The following SERAC1 variants were observed in gnomAD, a reference collection of about 807,000 sequenced individuals.
SERAC1 encodes the protein serine active site containing 1, also known as protein SERAC1.
Under a neutral mutation model 85.7 loss-of-function variants are expected in SERAC1, and 36 were observed. The ratio of observed to expected loss-of-function variants is 0.42; its 90% CI spans 0.32 to 0.55. The LOEUF (loss-of-function observed/expected upper bound fraction) is 0.55, where lower values mean the gene tolerates loss of function less well. Among genes scored for constraint, SERAC1 ranks in the 20% least tolerant of loss-of-function variants. SERAC1 has a pLI of 0.11. For synonymous variants in SERAC1, 242 were observed against 265.3 expected, an observed-to-expected ratio of 0.91 and a Z score of 0.85; for missense variants, 629 against 796.2, an observed-to-expected ratio of 0.79 and a Z score of 2.53.
Position 158,128,135 on chromosome 6 carries a change from G to A in SERAC1, c.988C>T (p.His330Tyr). The change falls in exon 10 of 17, where the codon CAT (histidine) becomes TAT (tyrosine). Residue 330 changes from histidine (H) to tyrosine (Y), a missense_variant. His to Tyr is a moderately conservative substitution (Grantham distance 83). Coordinates refer to ENST00000647468, the MANE Select transcript of SERAC1 (RefSeq NM_032861.4). The part of the protein sequence containing the change: ...RVIGNMALNE[H>Y]LHSSIVRSGW... ...GAGCGAACTATAGAAGAATGAAGAT[G>A]TTCATTCAAAGCCATATTTCCAATG... 1 of 1,613,184 alleles carries A rather than the reference G, an allele frequency of 6.2e-7. No homozygotes were observed. Among genetic ancestry groups the A allele is most frequent in the Non-Finnish European group, 8.5e-7 (1 of 1,179,466 alleles).
At chr6:158,133,990 CAT>C (rs1415916175) in intron 8 of SERAC1, among the ~76,000 whole-genome samples, 1 of 152,194 alleles carries the variant, frequency 6.6e-6, no homozygotes, top group Admixed American at 6.5e-5. Context: ...CAGGTATTTT[CAT>C]ATCACATCTC....
chr6:158,131,380 TTATA>T (rs915055801), intron 8 of SERAC1, among the ~76,000 whole-genome samples: 89 of 147,186 alleles, frequency 6.0e-4, no homozygotes, highest in Admixed American at 2.0e-3. Flanking sequence ...TATCTATATA[TTATA>T]TATGTAAATT....
intron 12 of SERAC1, 123 bp downstream of exon 12, chr6:158,118,906 T>C (rs1296284073): frequency 1.7e-6 from 2 of 1,184,964 alleles, no homozygotes; most frequent in African/African-American, 3.1e-5. Flanking sequence ...CAAATCTCCC[T>C]AAGGGAAAGA....
chr6:158,150,700 T>C (rs926361078), intron 3 of SERAC1, 111 bp from the exon 4 acceptor site: 10 of 767,290 alleles, frequency 1.3e-5, no homozygotes, highest in Non-Finnish European at 2.0e-5. Flanking sequence ...TTGGGAAACA[T>C]AACATGTATA....
At chr6:158,152,166 T>A (rs1393190261) in intron 3 of SERAC1, among the ~76,000 whole-genome samples, 1 of 152,180 alleles carries the variant, frequency 6.6e-6, no homozygotes, top group Non-Finnish European at 1.5e-5. Context: ...ATCACTTGCA[T>A]CCAGGAGTTC....
chr6:158,116,139 AAAT>A lies in SERAC1; in HGVS notation c.1501+43_1501+45del, dbSNP rs756766307. 3.3e-6 allele frequency: 5 copies of A among 1,519,974 alleles called. No individual in the cohort carries two copies. The East Asian group carries it at 9.0e-5, about 27-fold the overall frequency. 94.2% of individuals were successfully genotyped at this position (1,519,974 alleles called of 1,614,324 possible). On this transcript the variant is annotated intron_variant, in intron 14 of 16. Transcript: ENST00000647468. ...ACTTTAGGTTGGCCACAGTGGCTGA[AAAT>A]AACATCACAATGGCCACTTCACAAA...
intron 10 of SERAC1, among the ~76,000 whole-genome samples, chr6:158,122,712 G>A (rs1784450627): frequency 1.3e-5 from 2 of 152,286 alleles, no homozygotes; most frequent in South Asian, 4.1e-4. Context: ...CCCGGGAGGT[G>A]GAGGTTGCAG....
intron 3 of SERAC1, among the ~76,000 whole-genome samples, chr6:158,154,212 A>T (rs1785273668): frequency 6.6e-6 from 1 of 151,452 alleles, no homozygotes. Context: ...ATGTATCTGA[A>T]CAGCCAACAA....
chr6:158,117,469 G>C lies in SERAC1; in HGVS notation c.1403+258C>G. On this transcript the variant is annotated intron_variant, in intron 13 of 16. Coordinates refer to ENST00000647468, the MANE Select transcript of SERAC1 (RefSeq NM_032861.4). The surrounding 1 kb of genome is among the most constrained non-coding windows in gnomAD (Gnocchi z 4.3). ...AAAAGGAGACTGCTAGACAATCCAC[G>C]ATCCTTCACTATTAGAACAGTTGTA... is the stretch of plus-strand genomic sequence containing the variant. The C allele has an allele frequency of 6.5e-7, 1 of 1,528,234 alleles. No homozygotes were observed. Among genetic ancestry groups the C allele is most frequent in the Non-Finnish European group, 8.8e-7 (1 of 1,133,532 alleles). 94.7% of individuals were successfully genotyped at this position (1,528,234 alleles called of 1,614,324 possible).
Position 158,158,372 on chromosome 6 carries a change from A to ATT in SERAC1, c.-1-9_-1-8insAA. The ATT allele has an allele frequency of 1.3e-6, 2 of 1,599,728 alleles. No individual in the cohort carries two copies. Among genetic ancestry groups the ATT allele is most frequent in the South Asian group, 1.1e-5 (1 of 90,184 alleles). On this transcript the variant is annotated splice_polypyrimidine_tract_variant and intron_variant, in intron 1 of 16. Transcript: ENST00000647468. ...TAAGCAGCCAGGGACATTCTGTGTA[A>ATT]GTAGAACAATTACAACAAATTTAAT...
chr6:158,143,264 A>G (rs1784961601), intron 7 of SERAC1, 80 bp from the exon 8 acceptor site: 2 of 1,530,180 alleles, frequency 1.3e-6, no homozygotes, highest in South Asian at 1.2e-5. Context: ...CTCAAAGCCA[A>G]TATTTGCCAT....
chr6:158,125,615 G>A (rs74606995), intron 10 of SERAC1, among the ~76,000 whole-genome samples: 7 of 152,134 alleles, frequency 4.6e-5, no homozygotes, highest in Non-Finnish European at 8.8e-5. Flanking sequence ...TATACTCCCA[G>A]CTACTCGTGA....
rs1784136315 is a variant in SERAC1, at chr6:158,111,229, G to A, written c.*137C>T. 1 of 804,990 alleles carries A rather than the reference G, an allele frequency of 1.2e-6. No homozygotes were observed. The highest frequency in any genetic ancestry group is 2.7e-5 in the East Asian group (1 of 37,222). The allele number at this position is 804,990 out of a possible 1,614,324, so 49.9% of individuals were successfully genotyped here. On this transcript the variant is annotated 3_prime_UTR_variant, in exon 17 of 17. Coordinates refer to ENST00000647468, the MANE Select transcript of SERAC1 (RefSeq NM_032861.4). Reference sequence around the variant, plus strand: ...GCGCTTGAAGGGAGAACAATGTTCTGTAGTCTGCAACACACTCCAGACCAT... The same window carrying A: ...GCGCTTGAAGGGAGAACAATGTTCTATAGTCTGCAACACACTCCAGACCAT...
intron 13 of SERAC1, 120 bp from the exon 14 acceptor site, chr6:158,116,402 T>A (rs949264174): frequency 4.3e-6 from 3 of 701,258 alleles, no homozygotes; most frequent in Non-Finnish European, 7.5e-6. Flanking sequence ...ACATTTAGAG[T>A]AAGAAATACC....
rs575364947 is a variant in SERAC1 at position 158,152,494 on chromosome 6, C to T, written c.129-1905G>A. ...TCATGCCACTACACTCCAGCCAGGG[C>T]GACGGAGCAAGACTCCATCTCCGAA... On this transcript the variant is annotated intron_variant, in intron 3 of 16. Coordinates refer to ENST00000647468, the MANE Select transcript of SERAC1 (RefSeq NM_032861.4). 4.3e-3 allele frequency among the ~76,000 whole-genome samples: 658 copies of T among 151,484 alleles called. 4 individuals are homozygous for T. Among genetic ancestry groups the T allele is most frequent in the African/African-American group, 0.015 (632 of 41,236 alleles).
intron 8 of SERAC1, among the ~76,000 whole-genome samples, chr6:158,139,935 A>G (rs1784877630): frequency 6.6e-6 from 1 of 152,244 alleles, no homozygotes; most frequent in Non-Finnish European, 1.5e-5. Context: ...AAGATGGACA[A>G]TAACATATAT....
In SERAC1 at chr6:158,109,851, T is replaced by A. The variant is rs1388032812; in HGVS notation, c.*1515A>T. On this transcript the variant is annotated 3_prime_UTR_variant, in exon 17 of 17. Transcript: ENST00000647468. ...TGAAGTAGTACTGATACATGCTATA[T>A]CATGAATGAACCTTGAAAACATGCT... 2.0e-5 allele frequency: 3 copies of A among 152,018 alleles called. No homozygotes were observed. Among genetic ancestry groups the A allele is most frequent in the African/African-American group, 7.2e-5 (3 of 41,430 alleles). 9.4% of individuals were successfully genotyped at this position (152,018 alleles called of 1,614,324 possible).
intron 8 of SERAC1, 76 bp from the exon 9 acceptor site, chr6:158,130,562 C>G: frequency 1.2e-6 from 1 of 828,500 alleles, no homozygotes; most frequent in East Asian, 2.8e-5. Flanking sequence ...AAAGAAATCT[C>G]TGTACTAATA....
chr6:158,153,364 A>T (rs572960404), intron 3 of SERAC1, among the ~76,000 whole-genome samples: 124 of 152,204 alleles, frequency 8.1e-4, no homozygotes, highest in African/African-American at 2.9e-3. Context: ...TCTCCCATAG[A>T]TGGGTATTGA....
Sources: gnomAD v4.1 joint callset for allele counts (sites outside exome capture counted in the v4.1 genomes callset) on GRCh38, gnomAD v4.1.1 for gene constraint, Gnocchi (gnomAD v3.1) non-coding constraint, MANE v1.5 for transcripts, NCBI Gene and HGNC (gene_info 2026-07-23, HGNC 2026-07-21) for gene names.